Variants in WDFY2 observed in about 807,000 individuals in gnomAD.
The protein encoded by WDFY2 is WD repeat and FYVE domain containing 2.
Under a neutral mutation model 56.4 loss-of-function variants are expected in WDFY2, and 36 were observed. The observed-to-expected ratio is 0.64, with a 90% CI of 0.49 to 0.84. The LOEUF (loss-of-function observed/expected upper bound fraction) is 0.84, where lower values mean the gene tolerates loss of function less well. WDFY2 is among the 40% of genes least tolerant of loss of function. WDFY2 has a pLI of 0.00. For synonymous variants in WDFY2, 176 were observed against 183.7 expected (o/e 0.96, Z 0.34); for missense variants, 444 against 512.2 (o/e 0.87, Z 1.29).
intron 1 of WDFY2, among the ~76,000 whole-genome samples, chr13:51,628,945 A>T (rs1441334087): frequency 6.6e-6 from 1 of 152,182 alleles, no homozygotes; most frequent in Non-Finnish European, 1.5e-5. Context: ...TCTGTGATCC[A>T]TTTTGATGGT....
At chr13:51,595,811 A>ATG (rs1954133492) in intron 1 of WDFY2, among the ~76,000 whole-genome samples, 1 of 152,196 alleles carries the variant, frequency 6.6e-6, no homozygotes, top group Non-Finnish European at 1.5e-5. Context: ...ACAGATGCTG[A>ATG]TGTACCCAGT....
At chr13:51,664,370 T>C (rs1955664067) in intron 2 of WDFY2, among the ~76,000 whole-genome samples, 1 of 152,192 alleles carries the variant, frequency 6.6e-6, no homozygotes, top group Non-Finnish European at 1.5e-5. Flanking sequence ...GCAGAAATGC[T>C]AGTCTCAGCC....
chr13:51,672,569 C>A (rs2138495126), intron 2 of WDFY2, among the ~76,000 whole-genome samples: 1 of 152,116 alleles, frequency 6.6e-6, no homozygotes, highest in Non-Finnish European at 1.5e-5. Context: ...GTTGTTTTTT[C>A]TAGTTCTATG....
intron 7 of WDFY2, among the ~76,000 whole-genome samples, chr13:51,747,383 T>C (rs950085807): frequency 1.3e-5 from 2 of 152,258 alleles, no homozygotes; most frequent in African/African-American, 4.8e-5. Context: ...CAATAAAACA[T>C]GTAATTTCTG....
intron 1 of WDFY2, among the ~76,000 whole-genome samples, chr13:51,643,004 C>G (rs1454370763): frequency 6.6e-6 from 1 of 152,140 alleles, no homozygotes; most frequent in African/African-American, 2.4e-5. Context: ...AATTGCTGCA[C>G]CTTTGGCAAC....
chr13:51,663,650 C>T (rs1290535097), intron 2 of WDFY2, among the ~76,000 whole-genome samples: 2 of 152,186 alleles, frequency 1.3e-5, no homozygotes, highest in Admixed American at 6.5e-5. Flanking sequence ...AAATAAGCTA[C>T]ATTTCAATCA....
Position 51,739,095 on chromosome 13 carries a change from C to G in WDFY2, c.645C>G (p.Phe215Leu), listed in dbSNP as rs1214637179. ...GGGACCCAGTCCAGCGGGTGTTGTT[C>G]TCAGGCAGTTCAGATCACTCTGTCA... is the stretch of plus-strand genomic sequence containing the variant. ...LCWDPVQRVL[F>L]SGSSDHSVIM... Residue 215 changes from phenylalanine to leucine, a missense_variant, in exon 7 of 12, where the codon TTC becomes TTG. Phe to Leu is a conservative substitution (Grantham distance 22). Transcript: ENST00000298125. 1 of 1,603,154 alleles carries G rather than the reference C, an allele frequency of 6.2e-7. No individual in the cohort carries two copies. Among genetic ancestry groups the G allele is most frequent in the Non-Finnish European group, 8.5e-7 (1 of 1,175,162 alleles).
chr13:51,700,541 G>T (rs1242122856), intron 3 of WDFY2, among the ~76,000 whole-genome samples: 1 of 152,152 alleles, frequency 6.6e-6, no homozygotes, highest in Non-Finnish European at 1.5e-5. Flanking sequence ...CATACTCTCT[G>T]ATCCAACAAT....
chr13:51,699,134 G>C (rs913843894), intron 3 of WDFY2, among the ~76,000 whole-genome samples: 2 of 152,196 alleles, frequency 1.3e-5, no homozygotes, highest in African/African-American at 2.4e-5. Flanking sequence ...ATGAAGCACA[G>C]CTCTGCAAGG....
At position 51,760,089 on chromosome 13, in the gene WDFY2, A is replaced by G. The variant is rs557082339; in HGVS notation, c.*320A>G. 3.2e-5 allele frequency: 8 copies of G among 247,450 alleles called. No homozygotes were observed. Among genetic ancestry groups the G allele is most frequent in the Non-Finnish European group, 7.7e-6 (1 of 129,330 alleles). 15.3% of individuals were successfully genotyped at this position (247,450 alleles called of 1,614,324 possible). ...TAATTTTTATACTTTTCAACACCCC[A>G]TTTTACTTGTTGCTTTGTCAGAGAA... On this transcript the variant is annotated 3_prime_UTR_variant, in exon 12 of 12. Transcript: ENST00000298125.
intron 2 of WDFY2, among the ~76,000 whole-genome samples, chr13:51,671,394 T>C (rs992470169): frequency 3.3e-5 from 5 of 152,232 alleles, no homozygotes; most frequent in Admixed American, 2.0e-4. Context: ...TTTGATTTTT[T>C]GATTATGGCC....
intron 2 of WDFY2, among the ~76,000 whole-genome samples, chr13:51,674,786 A>C (rs1437826445): frequency 2.6e-5 from 4 of 152,168 alleles, no homozygotes; most frequent in African/African-American, 9.7e-5. Flanking sequence ...TGTCTAGTTC[A>C]GAAAGGATAG....
intron 8 of WDFY2, among the ~76,000 whole-genome samples, chr13:51,754,652 T>C (rs944521061): frequency 6.6e-6 from 1 of 152,238 alleles, no homozygotes; most frequent in South Asian, 2.1e-4. Flanking sequence ...CATGCTCATA[T>C]CTTTTGTATC....
rs1001961438 is a variant in WDFY2, at chr13:51,767,258, T to C, written c.*7489T>C. ...AGCACAGCGTCGCCCACACCCAGCATTGCTGAGGCCCATCATCCTCCTGCA... is the reference window on the plus strand; with the variant it reads ...AGCACAGCGTCGCCCACACCCAGCACTGCTGAGGCCCATCATCCTCCTGCA... On this transcript the variant is annotated 3_prime_UTR_variant, in exon 12 of 12. Coordinates refer to ENST00000298125, the MANE Select transcript of WDFY2 (RefSeq NM_052950.4). The C allele has an allele frequency of 3.3e-5, 5 of 152,256 alleles. No homozygotes were observed. Among genetic ancestry groups the C allele is most frequent in the African/African-American group, 7.2e-5 (3 of 41,470 alleles). The allele number at this position is 152,256 out of a possible 1,614,324, so 9.4% of individuals were successfully genotyped here. A position where few individuals can be genotyped will look rare whatever the true frequency, so the allele number is the denominator to read the frequency against.
chr13:51,600,877 A>G (rs1954263300), intron 1 of WDFY2, among the ~76,000 whole-genome samples: 1 of 152,078 alleles, frequency 6.6e-6, no homozygotes, highest in Admixed American at 6.5e-5. Flanking sequence ...GTTTCTCCTG[A>G]CCTTCATTGC....
At chr13:51,676,082 A>G (rs979589618) in intron 3 of WDFY2, among the ~76,000 whole-genome samples, 1 of 152,142 alleles carries the variant, frequency 6.6e-6, no homozygotes, top group African/African-American at 2.4e-5. Flanking sequence ...GATGTATGTG[A>G]TCAGCCCAAG....
intron 7 of WDFY2, among the ~76,000 whole-genome samples, chr13:51,750,475 T>C (rs556700937): frequency 6.6e-6 from 1 of 151,480 alleles, no homozygotes; most frequent in African/African-American, 2.4e-5. Flanking sequence ...ATCAAAGAGC[T>C]GTTCTCCTTC....
At chr13:51,602,527 A>G (rs887249640) in intron 1 of WDFY2, among the ~76,000 whole-genome samples, 1 of 152,242 alleles carries the variant, frequency 6.6e-6, no homozygotes, top group African/African-American at 2.4e-5. Flanking sequence ...AACATGTGGA[A>G]ATAGGTGCTC....
chr13:51,716,609 C>T (rs908382926), intron 4 of WDFY2, among the ~76,000 whole-genome samples: 1 of 144,914 alleles, frequency 6.9e-6, no homozygotes, highest in African/African-American at 2.5e-5. Flanking sequence ...AGGAGAATGG[C>T]GTGAACCCGG....
Sources: allele counts gnomAD v4.1 joint callset (sites outside exome capture counted in the v4.1 genomes callset), GRCh38; gene constraint gnomAD v4.1.1; transcripts MANE v1.5; gene names NCBI Gene and HGNC (gene_info 2026-07-23, HGNC 2026-07-21).